The following DOCK4 variants were observed in gnomAD, a reference collection of about 807,000 sequenced individuals.
DOCK4 encodes dedicator of cytokinesis protein 4.
Under a neutral mutation model 268.1 loss-of-function variants are expected in DOCK4, and 97 were observed. The observed-to-expected ratio is 0.36, with a 90% CI of 0.31 to 0.43. The LOEUF (loss-of-function observed/expected upper bound fraction) is 0.43, where lower values mean the gene tolerates loss of function less well. DOCK4 is among the 20% of genes least tolerant of loss of function. DOCK4 has a pLI of 1.00. For missense variants in DOCK4, 2,145 were observed against 2,455.7 expected, an observed-to-expected ratio of 0.87 and a Z score of 2.67; for synonymous variants, 954 against 887.2, an observed-to-expected ratio of 1.08 and a Z score of -1.34.
intron 8 of DOCK4, among the ~76,000 whole-genome samples, chr7:111,968,726 C>G (rs1487285006): frequency 8.5e-6 from 1 of 118,274 alleles, no homozygotes. Context: ...ACCCAAAGGA[C>G]TATAAATCAT....
chr7:111,832,630 C>T (rs1389686725), intron 26 of DOCK4, among the ~76,000 whole-genome samples: 1 of 152,062 alleles, frequency 6.6e-6, no homozygotes, highest in Non-Finnish European at 1.5e-5. Flanking sequence ...TGGGTTCAAG[C>T]GATTCTCCCA....
chr7:111,743,486 G>A (rs555001425), intron 44 of DOCK4, among the ~76,000 whole-genome samples: 2 of 152,320 alleles, frequency 1.3e-5, no homozygotes, highest in African/African-American at 4.8e-5. Context: ...AGTGCAGTGT[G>A]TATGAGGCAT....
intron 11 of DOCK4, among the ~76,000 whole-genome samples, chr7:111,939,208 T>C (rs1713076472): frequency 6.6e-6 from 1 of 151,904 alleles, no homozygotes; most frequent in Non-Finnish European, 1.5e-5. Flanking sequence ...AGACAACACA[T>C]TTCTATTGTT....
In DOCK4 at chr7:111,742,197, G is replaced by T. The variant is rs1795963102; in HGVS notation, c.4678-65C>A. 4.7e-6 allele frequency: 7 copies of T among 1,478,992 alleles called. No homozygotes were observed. The South Asian group carries it at 8.8e-5, about 19-fold the overall frequency. The allele number at this position is 1,478,992 out of a possible 1,614,324, so 91.6% of individuals were successfully genotyped here. ...CTACCTCTCACTAAGTGCCTGCTATGGGCCGAGCACTTTACTACGCATTTC... is the reference window on the plus strand; with the variant it reads ...CTACCTCTCACTAAGTGCCTGCTATTGGCCGAGCACTTTACTACGCATTTC... On this transcript the variant is annotated intron_variant, in intron 44 of 52. Transcript: ENST00000428084.
intron 42 of DOCK4, among the ~76,000 whole-genome samples, chr7:111,749,896 G>A (rs540169675): frequency 3.0e-4 from 46 of 152,148 alleles, no homozygotes; most frequent in Non-Finnish European, 4.6e-4. Flanking sequence ...GGGTGTAAAC[G>A]ATATATCCCA....
intron 12 of DOCK4, among the ~76,000 whole-genome samples, chr7:111,919,795 G>C (rs1586371755): frequency 1.3e-5 from 2 of 152,156 alleles, no homozygotes; most frequent in African/African-American, 4.8e-5. Context: ...ATATGACTAA[G>C]AAACATCAAA....
intron 12 of DOCK4, among the ~76,000 whole-genome samples, chr7:111,918,442 G>C (rs963757624): frequency 4.6e-5 from 7 of 152,204 alleles, no homozygotes; most frequent in African/African-American, 9.6e-5. Context: ...AATGAAGAAG[G>C]GGGGAATAAG....
chr7:111,766,721 T>C (rs1797781743), intron 38 of DOCK4, among the ~76,000 whole-genome samples: 1 of 152,172 alleles, frequency 6.6e-6, no homozygotes. Flanking sequence ...TACAGAAACT[T>C]ATGTGTAAGT....
chr7:111,731,391 C>T (rs1165913520), intron 52 of DOCK4, among the ~76,000 whole-genome samples: 1 of 152,160 alleles, frequency 6.6e-6, no homozygotes, highest in East Asian at 1.9e-4. Flanking sequence ...AGAACTAGCT[C>T]ATCACACAAA....
chr7:111,811,988 T>C, intron 27 of DOCK4, 39 bp from the exon 28 acceptor site: 1 of 1,165,098 alleles, frequency 8.6e-7, no homozygotes, highest in Non-Finnish European at 1.2e-6. Flanking sequence ...AACTTCATAT[T>C]AGTGAAAATC....
At position 111,728,685 on chromosome 7, in the gene DOCK4, C is replaced by T. The variant is rs780350147; in HGVS notation, c.5517G>A (p.Glu1839=). 1.2e-5 allele frequency: 20 copies of T among 1,613,522 alleles called. No homozygotes were observed. Among genetic ancestry groups the T allele is most frequent in the South Asian group, 2.2e-5 (2 of 91,046 alleles). The change falls in exon 53 of 53, where the codon GAG becomes GAA. Residue 1839 remains glutamate, a synonymous_variant. Transcript: ENST00000428084. ...TGGAGATGAGTCCTGGCGAGTGGTA[C>T]TCCACTGGAGAGGGGGTGAAAGACT... is the stretch of plus-strand genomic sequence containing the variant. The part of the protein sequence containing the change: ...SVQSFTPSPV[E]YHSPGLISNS...
rs576040070 is a variant in DOCK4, at chr7:111,954,790, C to G, written c.702-8992G>C. On this transcript the variant is annotated intron_variant, in intron 8 of 52. Transcript: ENST00000428084. ...GTCTGCACCCAGGCGCTCATTAAAACAGGGTACTGCTCCACACTGCCTTGT... is the reference window on the plus strand; with the variant it reads ...GTCTGCACCCAGGCGCTCATTAAAAGAGGGTACTGCTCCACACTGCCTTGT... Among the ~76,000 whole-genome samples, 6 of 152,288 alleles carry G rather than the reference C, an allele frequency of 3.9e-5. No homozygotes were observed. In the South Asian group the frequency reaches 1.0e-3, roughly 26 times the overall value.
intron 13 of DOCK4, among the ~76,000 whole-genome samples, chr7:111,911,050 C>G (rs776807106): frequency 6.6e-6 from 1 of 152,194 alleles, no homozygotes; most frequent in Admixed American, 6.5e-5. Context: ...TTGTCCTTGT[C>G]AGGATCACAG....
chr7:111,828,920 T>C (rs986795303), intron 26 of DOCK4, among the ~76,000 whole-genome samples: 44 of 150,592 alleles, frequency 2.9e-4, no homozygotes, highest in African/African-American at 1.0e-3. Flanking sequence ...ATATATATAG[T>C]ATACAAAATC....
At chr7:111,888,863 G>A (rs988895221) in intron 16 of DOCK4, among the ~76,000 whole-genome samples, 2 of 152,112 alleles carry the variant, frequency 1.3e-5, no homozygotes, top group Non-Finnish European at 2.9e-5. Flanking sequence ...GGTGGCGAAA[G>A]AGTATCTCTG....
intron 23 of DOCK4, among the ~76,000 whole-genome samples, chr7:111,858,326 G>A (rs1002231741): frequency 2.0e-5 from 3 of 152,148 alleles, no homozygotes; most frequent in African/African-American, 7.2e-5. Context: ...TGGGATTTGT[G>A]ATGGTTAATT....
chr7:111,979,315 G>GGTACAC (rs779857834), intron 7 of DOCK4, among the ~76,000 whole-genome samples: 2 of 152,202 alleles, frequency 1.3e-5, no homozygotes, highest in Non-Finnish European at 2.9e-5. Flanking sequence ...CTTCGTAAAA[G>GGTACAC]TGGAGAGTAA....
chr7:111,826,907 A>C (rs1036124264), intron 26 of DOCK4, among the ~76,000 whole-genome samples: 7 of 152,176 alleles, frequency 4.6e-5, no homozygotes, highest in African/African-American at 1.2e-4. Flanking sequence ...TTTTTTTAAA[A>C]AAGAGAAAGG....
chr7:111,976,034 A>G (rs1460292478), intron 8 of DOCK4, among the ~76,000 whole-genome samples: 1 of 146,572 alleles, frequency 6.8e-6, no homozygotes, highest in Non-Finnish European at 1.5e-5. Context: ...CAAGCTACTC[A>G]GGAAGCTGAG....
Sources: allele counts gnomAD v4.1 joint callset (sites outside exome capture counted in the v4.1 genomes callset), GRCh38; gene constraint gnomAD v4.1.1; transcripts MANE v1.5; gene names NCBI Gene and HGNC (gene_info 2026-07-23, HGNC 2026-07-21).